ZFPM2: variants seen among roughly 807,000 people sequenced by gnomAD.
The protein encoded by ZFPM2 is zinc finger protein, FOG family member 2, also known as zinc finger protein ZFPM2.
A neutral mutation model predicts 98.6 loss-of-function variants in ZFPM2; 20 were observed. The ratio of observed to expected loss-of-function variants is 0.20; its 90% CI spans 0.14 to 0.29. The LOEUF (loss-of-function observed/expected upper bound fraction) is 0.29, where lower values mean the gene tolerates loss of function less well. Among genes scored for constraint, ZFPM2 ranks in the 10% least tolerant of loss-of-function variants. The pLI, the probability that ZFPM2 is intolerant of heterozygous loss-of-function variation, is 1.00. For missense variants in ZFPM2, 1,310 were observed against 1,388.6 expected, an observed-to-expected ratio of 0.94 and a Z score of 0.90; for synonymous variants, 518 against 502.7, an observed-to-expected ratio of 1.03 and a Z score of -0.41.
intron 3 of ZFPM2, among the ~76,000 whole-genome samples, chr8:105,555,701 G>A (rs1427423507): frequency 6.6e-6 from 1 of 152,158 alleles, no homozygotes; most frequent in East Asian, 1.9e-4. Context: ...AAAACTGTAT[G>A]ATATTGGACT....
At chr8:105,399,001 A>G (rs1811280244) in intron 1 of ZFPM2, among the ~76,000 whole-genome samples, 1 of 152,118 alleles carries the variant, frequency 6.6e-6, no homozygotes, top group African/African-American at 2.4e-5. Flanking sequence ...TTCCAGGCAG[A>G]GGGAAGAGCA....
chr8:105,399,407 T>C (rs1016067111), intron 1 of ZFPM2, among the ~76,000 whole-genome samples: 4 of 151,988 alleles, frequency 2.6e-5, no homozygotes, highest in Non-Finnish European at 5.9e-5. Context: ...GTTTCGGAGG[T>C]AGAGCTTTTA....
chr8:105,775,953 C>T (rs1338796524), intron 5 of ZFPM2, among the ~76,000 whole-genome samples: 1 of 152,034 alleles, frequency 6.6e-6, no homozygotes, highest in Admixed American at 6.6e-5. Context: ...ATTCACGGGA[C>T]AAAACTTTCT....
At chr8:105,452,430 T>C (rs1413997536) in intron 3 of ZFPM2, among the ~76,000 whole-genome samples, 1 of 151,892 alleles carries the variant, frequency 6.6e-6, no homozygotes, top group Non-Finnish European at 1.5e-5. Context: ...TCTTTGCCAT[T>C]CTTTTTATAA....
intron 5 of ZFPM2, among the ~76,000 whole-genome samples, chr8:105,753,259 G>C (rs747149349): frequency 1.3e-5 from 2 of 152,066 alleles, no homozygotes; most frequent in Non-Finnish European, 2.9e-5. Flanking sequence ...TCTAATGATG[G>C]ATTTTGTGGC....
At chr8:105,764,501 T>C (rs1812814843) in intron 5 of ZFPM2, among the ~76,000 whole-genome samples, 1 of 151,744 alleles carries the variant, frequency 6.6e-6, no homozygotes, top group African/African-American at 2.4e-5. Context: ...AATAATTCAC[T>C]GAATCAATAC....
At position 105,542,395 on chromosome 8, in the gene ZFPM2, T is replaced by C. The variant is rs138443358; in HGVS notation, c.302-18968T>C. On this transcript the variant is annotated intron_variant, in intron 3 of 7. Coordinates refer to ENST00000407775, the MANE Select transcript of ZFPM2 (RefSeq NM_012082.4). ...TTAAATCGTTTTGGTTGGCTTTGTT[T>C]TGATAATTATAAATTAATAGTTTAA... is the stretch of plus-strand genomic sequence containing the variant. 2.3e-3 allele frequency among the ~76,000 whole-genome samples: 357 copies of C among 152,306 alleles called. 3 individuals are homozygous for C. The highest frequency in any genetic ancestry group is 8.3e-3 in the African/African-American group (347 of 41,578).
At chr8:105,784,448 T>C (rs969736321) in intron 5 of ZFPM2, among the ~76,000 whole-genome samples, 1 of 146,044 alleles carries the variant, frequency 6.8e-6, no homozygotes. Flanking sequence ...GTGCCTTTTC[T>C]TTCTGGTGAG....
intron 5 of ZFPM2, among the ~76,000 whole-genome samples, chr8:105,765,628 A>G (rs1812838717): frequency 6.6e-6 from 1 of 151,850 alleles, no homozygotes; most frequent in Non-Finnish European, 1.5e-5. Context: ...TGGAAAATGC[A>G]GCATAATTCG....
intron 3 of ZFPM2, among the ~76,000 whole-genome samples, chr8:105,509,365 G>GA (rs1387167871): frequency 2.0e-5 from 3 of 152,072 alleles, no homozygotes; most frequent in Non-Finnish European, 4.4e-5. Flanking sequence ...TCCACTCACC[G>GA]AGTTTCATTT....
intron 5 of ZFPM2, among the ~76,000 whole-genome samples, chr8:105,781,316 T>G (rs1396542212): frequency 6.6e-6 from 1 of 152,206 alleles, no homozygotes; most frequent in Non-Finnish European, 1.5e-5. Context: ...CATTTGTATT[T>G]TATATTAATA....
chr8:105,378,488 A>G (rs1441271986), intron 1 of ZFPM2, among the ~76,000 whole-genome samples: 1 of 152,178 alleles, frequency 6.6e-6, no homozygotes, highest in Non-Finnish European at 1.5e-5. Flanking sequence ...CTAGGCTGCA[A>G]ACTCTTTAAG....
intron 5 of ZFPM2, among the ~76,000 whole-genome samples, chr8:105,770,444 C>T (rs889601163): frequency 2.6e-5 from 4 of 152,084 alleles, no homozygotes; most frequent in African/African-American, 9.7e-5. Flanking sequence ...AGTTTATGCT[C>T]AAAAATTTAT....
intron 4 of ZFPM2, among the ~76,000 whole-genome samples, chr8:105,615,359 A>G (rs901136624): frequency 7.9e-5 from 12 of 152,114 alleles, no homozygotes; most frequent in African/African-American, 2.9e-4. Context: ...GGACAGAGCA[A>G]ACTCTGAGTT....
At chr8:105,555,604 A>G (rs1234281224) in intron 3 of ZFPM2, among the ~76,000 whole-genome samples, 4 of 152,214 alleles carry the variant, frequency 2.6e-5, no homozygotes, top group Non-Finnish European at 5.9e-5. Flanking sequence ...CAGAATTATT[A>G]AAGAAATTTG....
intron 5 of ZFPM2, among the ~76,000 whole-genome samples, chr8:105,673,187 C>CTTTTTTTTTTTTTTTTTTTTTTTTTTTTT (rs5893754): frequency 3.4e-5 from 3 of 87,526 alleles, no homozygotes; most frequent in African/African-American, 1.5e-4. Context: ...AAATAGCATG[C>CTTTTTTTTTTTTTTTTTTTTTTTTTTTTT]TTTTTTTTTT....
At chr8:105,719,605 T>C (rs1019567779) in intron 5 of ZFPM2, among the ~76,000 whole-genome samples, 2 of 151,912 alleles carry the variant, frequency 1.3e-5, no homozygotes, top group Non-Finnish European at 2.9e-5. Flanking sequence ...ATTAGAACCT[T>C]AATCATAACA....
intron 1 of ZFPM2, among the ~76,000 whole-genome samples, chr8:105,370,785 A>G (rs1586322804): frequency 6.6e-6 from 1 of 152,246 alleles, no homozygotes; most frequent in African/African-American, 2.4e-5. Context: ...GCCTGAGGAA[A>G]ACAAGGCAGA....
At chr8:105,697,142 G>C (rs1811035343) in intron 5 of ZFPM2, among the ~76,000 whole-genome samples, 1 of 152,150 alleles carries the variant, frequency 6.6e-6, no homozygotes, top group African/African-American at 2.4e-5. Flanking sequence ...TAATTTAAAA[G>C]ATGCAGTCTT....
Sources: allele counts gnomAD v4.1 joint callset (sites outside exome capture counted in the v4.1 genomes callset), GRCh38; gene constraint gnomAD v4.1.1; transcripts MANE v1.5; gene names NCBI Gene and HGNC (gene_info 2026-07-23, HGNC 2026-07-21).